Variants in C4orf50 observed in about 807,000 individuals in gnomAD.
C4orf50 encodes the protein uncharacterized protein C4orf50.
In C4orf50, 80 loss-of-function variants were observed where a neutral mutation model predicts 77.2. That is an observed-to-expected ratio of 1.04 (90% confidence interval 0.87 to 1.25). The LOEUF (loss-of-function observed/expected upper bound fraction) is 1.25. Ranked by LOEUF, C4orf50 falls within the 50% of genes most tolerant of loss-of-function variation. The pLI, the probability that C4orf50 is intolerant of heterozygous loss-of-function variation, is 0.00. For missense variants in C4orf50, 1,257 were observed against 1,152.9 expected (o/e 1.09, Z -1.31); for synonymous variants, 532 against 465.3 (o/e 1.14, Z -1.84).
chr4:5,955,701 C>T (rs1371776141), downstream of C4orf50, among the ~76,000 whole-genome samples: 1 of 152,198 alleles, frequency 6.6e-6, no homozygotes, highest in Non-Finnish European at 1.5e-5. The surrounding 1 kb of genome is among the most constrained non-coding windows in gnomAD (Gnocchi z 5.1). Flanking sequence ...AGATCCCAGC[C>T]TCCCAGCTGA....
downstream of C4orf50, chr4:5,956,999 G>A (rs1413647321): frequency 6.6e-6 from 1 of 152,254 alleles, no homozygotes; most frequent in Non-Finnish European, 1.5e-5. Context: ...CAGACCAGGC[G>A]AGGGGAGTCC....
intron 7 of C4orf50, among the ~76,000 whole-genome samples, chr4:5,930,828 G>A (rs1394919409): frequency 1.3e-5 from 2 of 152,238 alleles, no homozygotes; most frequent in African/African-American, 4.8e-5. Flanking sequence ...CACCTCTGCT[G>A]TCCATGATGC....
intron 25 of C4orf50, among the ~76,000 whole-genome samples, chr4:6,001,468 CCT>C (rs1721827500): frequency 6.6e-6 from 1 of 152,198 alleles, no homozygotes; most frequent in South Asian, 2.1e-4. Context: ...TGGGTTCTTC[CCT>C]CTGACACCAC....
intron 7 of C4orf50, among the ~76,000 whole-genome samples, chr4:5,931,434 C>G (rs554094936): frequency 6.6e-6 from 1 of 152,092 alleles, no homozygotes; most frequent in Non-Finnish European, 1.5e-5. Context: ...TTCTCAGGTG[C>G]GAAGATAAAG....
Position 5,932,328 on chromosome 4 carries a change from C to T in C4orf50, c.*2474+24573G>A, listed in dbSNP as rs1717804392. On this transcript the variant is annotated intron_variant, in intron 7 of 7. Transcript: ENST00000324058. This position sits in a 1 kb window ranked among gnomAD's most constrained non-coding sequence, Gnocchi z 4.2. ...GGCTGGGCTCCGTAAAGAATCCAGC[C>T]ATCAAAGAGGGAGGCAGGCAGCGGA... is the stretch of plus-strand genomic sequence containing the variant. Among the ~76,000 whole-genome samples, 1 of 152,192 alleles carries T rather than the reference C, an allele frequency of 6.6e-6. No individual in the cohort carries two copies. Among genetic ancestry groups the T allele is most frequent in the Non-Finnish European group, 1.5e-5 (1 of 68,036 alleles).
downstream of C4orf50, among the ~76,000 whole-genome samples, chr4:5,954,409 C>T (rs1718860400): frequency 6.6e-6 from 1 of 152,152 alleles, no homozygotes; most frequent in Non-Finnish European, 1.5e-5. The surrounding 1 kb of genome is among the most constrained non-coding windows in gnomAD (Gnocchi z 4.7). Context: ...CTCTCGGCCA[C>T]TCAGACAGAG....
chr4:6,017,838 C>T lies in C4orf50; in HGVS notation c.287+307G>A, dbSNP rs1327132306. Reference sequence around the variant, plus strand: ...ACATAGGGCCCTTTCATGGAACAGTCACCCAGAGAAGAAGAGAGGGAGAAC... The same window carrying T: ...ACATAGGGCCCTTTCATGGAACAGTTACCCAGAGAAGAAGAGAGGGAGAAC... On this transcript the variant is annotated intron_variant, in intron 23 of 33. Transcript: ENST00000531445. This position sits in a 1 kb window ranked among gnomAD's most constrained non-coding sequence, Gnocchi z 4.7. Among the ~76,000 whole-genome samples the T allele has an allele frequency of 1.3e-5, 2 of 152,206 alleles. No homozygotes were observed. The highest frequency in any genetic ancestry group is 2.9e-5 in the Non-Finnish European group (2 of 68,036).
Position 5,992,150 on chromosome 4 carries a change from G to A in C4orf50, c.1221+653C>T, listed in dbSNP as rs73212653. Among the ~76,000 whole-genome samples the A allele has an allele frequency of 0.068, 10,414 of 152,248 alleles. 389 individuals are homozygous for A. The highest frequency in any genetic ancestry group is 0.088 in the Middle Eastern group (26 of 294). ...TCAAGGGAAGGGGGCGGTGAGGAGC[G>A]AGGCATATAGGGATGTGACATCCAA... On this transcript the variant is annotated intron_variant, in intron 27 of 33. Transcript: ENST00000531445. The surrounding 1 kb of genome is among the most constrained non-coding windows in gnomAD (Gnocchi z 5.0).
At chr4:5,909,824 G>A (rs1577874931) in intron 7 of C4orf50, among the ~76,000 whole-genome samples, 5 of 152,294 alleles carry the variant, frequency 3.3e-5, no homozygotes, top group African/African-American at 9.6e-5. Context: ...GTAGATATGT[G>A]GATCTGTCTC....
intron 31 of C4orf50, among the ~76,000 whole-genome samples, chr4:5,968,855 G>A (rs1016875158): frequency 5.3e-5 from 8 of 152,152 alleles, no homozygotes; most frequent in East Asian, 1.9e-4. Context: ...AGCCTCAAGC[G>A]CACTCAACTG....
rs191610401 is a variant in C4orf50, at chr4:5,970,126, C to T, written c.4105-2664G>A. On this transcript the variant is annotated intron_variant, in intron 31 of 33. Coordinates refer to ENST00000531445, the Ensembl canonical transcript of C4orf50. This position sits in a 1 kb window ranked among gnomAD's most constrained non-coding sequence, Gnocchi z 4.3. Reference sequence around the variant, plus strand: ...ATTTCATGCTTGTGAATATCAACAGCGTAGGTCCAGGCAAAACACAGGAAA... The same window carrying T: ...ATTTCATGCTTGTGAATATCAACAGTGTAGGTCCAGGCAAAACACAGGAAA... 1.1e-4 allele frequency among the ~76,000 whole-genome samples: 16 copies of T among 148,772 alleles called. No individual in the cohort carries two copies. The highest frequency in any genetic ancestry group is 3.7e-4 in the African/African-American group (15 of 40,092).
intron 7 of C4orf50, among the ~76,000 whole-genome samples, chr4:5,920,278 C>G (rs974210643): frequency 2.6e-5 from 4 of 152,174 alleles, no homozygotes; most frequent in African/African-American, 7.2e-5. Flanking sequence ...CTGCCACTCA[C>G]TAGCTGTGAG....
chr4:6,010,654 C>A (rs1440443267), intron 24 of C4orf50, among the ~76,000 whole-genome samples: 1 of 152,158 alleles, frequency 6.6e-6, no homozygotes, highest in Non-Finnish European at 1.5e-5. Context: ...TTGCAACCTG[C>A]AGTTTGAAAA....
At chr4:5,917,406 CTTTTTTTTTTT>C (rs34928524) in intron 7 of C4orf50, among the ~76,000 whole-genome samples, 5,779 of 86,536 alleles carry the variant, frequency 0.067, 400 homozygotes, top group African/African-American at 0.19. Context: ...TCCTGTATTT[CTTTTTTTTTTT>C]TTTTTTTTTT....
chr4:5,985,967 T>C (rs1030948676), intron 28 of C4orf50, among the ~76,000 whole-genome samples: 1 of 152,146 alleles, frequency 6.6e-6, no homozygotes, highest in South Asian at 2.1e-4. Context: ...AGACAGCGTC[T>C]CAAAAATAAA....
intron 28 of C4orf50, 54 bp downstream of exon 6, chr4:5,988,293 C>A: frequency 6.4e-7 from 1 of 1,572,456 alleles, no homozygotes; most frequent in Non-Finnish European, 8.6e-7. Flanking sequence ...AATGGGGTGG[C>A]CCCCGGAACA....
chr4:5,948,215 T>A (rs952862625), intron 7 of C4orf50, among the ~76,000 whole-genome samples: 3 of 152,102 alleles, frequency 2.0e-5, no homozygotes, highest in Non-Finnish European at 2.9e-5. Flanking sequence ...AAAATTCAAT[T>A]AACTGAGGAA....
chr4:5,975,496 TTTTG>T (rs869138832), intron 30 of C4orf50, among the ~76,000 whole-genome samples: 2 of 14,900 alleles, frequency 1.3e-4, no homozygotes, highest in Non-Finnish European at 2.0e-4. Flanking sequence ...TTTGCGGTTT[TTTTG>T]TTTTGTTTTG....
intron 31 of C4orf50, among the ~76,000 whole-genome samples, chr4:5,969,548 G>A (rs182991702): frequency 6.6e-6 from 1 of 152,036 alleles, no homozygotes; most frequent in Admixed American, 6.6e-5. Context: ...ACTCTCCCCT[G>A]CTAGTATGCC....
Sources: allele counts gnomAD v4.1 joint callset (sites outside exome capture counted in the v4.1 genomes callset), GRCh38; gene constraint gnomAD v4.1.1; non-coding constraint Gnocchi (gnomAD v3.1); transcripts MANE v1.5; gene names NCBI Gene and HGNC (gene_info 2026-07-23, HGNC 2026-07-21).